Variants in GABRB3 observed in about 807,000 individuals in gnomAD.
GABRB3 encodes the protein gamma-aminobutyric acid receptor subunit beta-3.
In GABRB3, 14 loss-of-function variants were observed where a neutral mutation model predicts 52.1. That is an observed-to-expected ratio of 0.27 (90% CI 0.18 to 0.42). The LOEUF (loss-of-function observed/expected upper bound fraction) is 0.42. Ranked by LOEUF, GABRB3 falls within the 10% of genes least tolerant of loss-of-function variation. GABRB3 has a pLI of 1.00. For missense variants in GABRB3, 307 were observed against 609.1 expected, an observed-to-expected ratio of 0.50 and a Z score of 5.22; for synonymous variants, 260 against 232.3, an observed-to-expected ratio of 1.12 and a Z score of -1.08.
chr15:26,685,202 T>C (rs565820436), intron 3 of GABRB3, among the ~76,000 whole-genome samples: 1 of 152,262 alleles, frequency 6.6e-6, no homozygotes, highest in Admixed American at 6.5e-5. Flanking sequence ...GCCCTACTTC[T>C]CCGCCAGCAT....
chr15:26,659,058 C>A (rs2116451), intron 3 of GABRB3, among the ~76,000 whole-genome samples: 143,675 of 152,282 alleles, frequency 0.94, 67,990 homozygotes, highest in East Asian at 1. Flanking sequence ...TTTGCTCTTG[C>A]GACCAAGGGG....
chr15:26,641,017 T>A (rs1281516564), intron 3 of GABRB3, among the ~76,000 whole-genome samples: 1 of 152,230 alleles, frequency 6.6e-6, no homozygotes, highest in East Asian at 1.9e-4. Context: ...CAGGATGTGA[T>A]GTCACAAAAG....
chr15:26,578,922 CT>C (rs1890689190), intron 6 of GABRB3, among the ~76,000 whole-genome samples: 1 of 152,244 alleles, frequency 6.6e-6, no homozygotes, highest in Non-Finnish European at 1.5e-5. Flanking sequence ...GCTCTCATTT[CT>C]CCCTGAGGTA....
intron 5 of GABRB3, among the ~76,000 whole-genome samples, chr15:26,581,581 T>G (rs3909670): frequency 0.89 from 135,137 of 152,216 alleles, 61,619 homozygotes; most frequent in Non-Finnish European, 0.98. Flanking sequence ...TGGGCCTTCA[T>G]CCCTCCTTTC....
intron 3 of GABRB3, among the ~76,000 whole-genome samples, chr15:26,734,433 GA>G (rs914389137): frequency 2.6e-5 from 4 of 151,864 alleles, no homozygotes; most frequent in East Asian, 1.9e-4. Context: ...GGCAACAAAA[GA>G]AAAAAACAGA....
At chr15:26,625,526 C>A in intron 3 of GABRB3, 1 of 982,408 alleles carries the variant, frequency 1.0e-6, no homozygotes, top group Non-Finnish European at 1.2e-6. Context: ...TTTTGAATTC[C>A]AAGCCTGTCT....
chr15:26,698,659 G>GC (rs1219405735), intron 3 of GABRB3, among the ~76,000 whole-genome samples: 1 of 152,046 alleles, frequency 6.6e-6, no homozygotes, highest in Non-Finnish European at 1.5e-5. Context: ...GTTAAGAGAG[G>GC]GTCTGATGGG....
At chr15:26,764,467 T>C (rs1167966289) in intron 3 of GABRB3, among the ~76,000 whole-genome samples, 1 of 152,006 alleles carries the variant, frequency 6.6e-6, no homozygotes, top group Non-Finnish European at 1.5e-5. Flanking sequence ...AGTAAATGCT[T>C]CTGTGAGATG....
At chr15:26,615,934 C>T (rs1417145798) in intron 4 of GABRB3, 11 of 1,287,796 alleles carry the variant, frequency 8.5e-6, no homozygotes, top group Non-Finnish European at 1.1e-5. Flanking sequence ...CAGGACCTTC[C>T]TCAGCAGTAC....
At position 26,615,597 on chromosome 15, in the gene GABRB3, G is replaced by A. The variant is rs372005269; in HGVS notation, c.461+5717C>T. On this transcript the variant is annotated intron_variant, in intron 4 of 8. Coordinates refer to ENST00000311550, the MANE Select transcript of GABRB3 (RefSeq NM_000814.6). The stretch of plus-strand genomic sequence containing the variant: ...CTTTTGCACAGTCATCAGAGTTAAG[G>A]ATTAATGATTTCCCAGAATAAGGCT... The A allele has an allele frequency of 7.7e-5, 43 of 559,356 alleles. No homozygotes were observed. In the African/African-American group the frequency reaches 8.5e-4, roughly 11 times the overall value. 34.6% of individuals were successfully genotyped at this position (559,356 alleles called of 1,614,324 possible). A position where few individuals can be genotyped will look rare whatever the true frequency, so the allele number is the denominator to read the frequency against.
intron 3 of GABRB3, among the ~76,000 whole-genome samples, chr15:26,667,777 C>T (rs1338481945): frequency 6.6e-6 from 1 of 152,126 alleles, no homozygotes; most frequent in African/African-American, 2.4e-5. Flanking sequence ...TATTCAGAAA[C>T]TCTGGGGCTG....
chr15:26,581,075 T>G (rs1890770764), intron 5 of GABRB3: 1 of 189,662 alleles, frequency 5.3e-6, no homozygotes, highest in African/African-American at 2.4e-5. Flanking sequence ...GAAAGAACAG[T>G]GGTCGTTAGC....
At chr15:26,607,633 A>G (rs78383537) in intron 4 of GABRB3, among the ~76,000 whole-genome samples, 2,568 of 152,246 alleles carry the variant, frequency 0.017, 82 homozygotes, top group African/African-American at 0.059. Context: ...ACGGGATATA[A>G]AAACAACTTA....
In GABRB3 at chr15:26,613,503, T is replaced by A. The variant is rs376264068; in HGVS notation, c.461+7811A>T. ...AGCTACATCACATCCTACACCAAGA[T>A]AAATTCCAAGGGATTGAACACCTAA... On this transcript the variant is annotated intron_variant, in intron 4 of 8. Transcript: ENST00000311550. 25 of 152,134 alleles carry A rather than the reference T, an allele frequency of 1.6e-4. No individual in the cohort carries two copies. The East Asian group carries it at 4.4e-3, about 27-fold the overall frequency. The allele number at this position is 152,134 out of a possible 1,614,324, so 9.4% of individuals were successfully genotyped here.
intron 6 of GABRB3, among the ~76,000 whole-genome samples, chr15:26,573,766 T>C (rs1254537550): frequency 6.6e-6 from 1 of 152,164 alleles, no homozygotes; most frequent in East Asian, 1.9e-4. Flanking sequence ...ACATAAAGAA[T>C]GCGGCTGGTT....
Position 26,670,149 on chromosome 15 carries a change from C to G in GABRB3, c.241-48615G>C, listed in dbSNP as rs145047234. The stretch of plus-strand genomic sequence containing the variant: ...CGGTGCGGGAGCCTACAGGGCTGAG[C>G]GCGGAGACCGCTACGCCCCAACGCG... On this transcript the variant is annotated intron_variant, in intron 3 of 8. Transcript: ENST00000311550. Among the ~76,000 whole-genome samples, 1,143 of 152,282 alleles carry G rather than the reference C, an allele frequency of 7.5e-3. 32 individuals carry two copies. Among genetic ancestry groups the G allele is most frequent in the Admixed American group, 0.049 (754 of 15,308 alleles).
intron 3 of GABRB3, among the ~76,000 whole-genome samples, chr15:26,751,511 A>G (rs556747608): frequency 6.6e-6 from 1 of 152,296 alleles, no homozygotes; most frequent in African/African-American, 2.4e-5. Context: ...AAGAATCTGA[A>G]AGTAACCACC....
Position 26,649,176 on chromosome 15 carries a change from C to T in GABRB3, c.241-27642G>A, listed in dbSNP as rs533480697. On this transcript the variant is annotated intron_variant, in intron 3 of 8. Transcript: ENST00000311550. Reference sequence around the variant, plus strand: ...CAAAATTAATATGCTGAAGCCTAATCACCTTGGTGATAGTCATGAAGTGGG... The same window carrying T: ...CAAAATTAATATGCTGAAGCCTAATTACCTTGGTGATAGTCATGAAGTGGG... Among the ~76,000 whole-genome samples the T allele has an allele frequency of 2.0e-5, 3 of 152,272 alleles. No individual in the cohort carries two copies. In the East Asian group the frequency reaches 5.8e-4, roughly 30 times the overall value.
Position 26,567,552 on chromosome 15 carries a change from T to A in GABRB3, c.835+29A>T, listed in dbSNP as rs763549806. On this transcript the variant is annotated intron_variant, in intron 7 of 8. Transcript: ENST00000311550. ...ACTGTAATGATACGGTTACTTTACATTTAAATATCACTTAAAAATAGCACA... is the reference window on the plus strand; with the variant it reads ...ACTGTAATGATACGGTTACTTTACAATTAAATATCACTTAAAAATAGCACA... 3.7e-6 allele frequency: 6 copies of A among 1,608,714 alleles called. No homozygotes were observed. The South Asian group carries it at 6.6e-5, about 18-fold the overall frequency.
Sources: allele counts gnomAD v4.1 joint callset (sites outside exome capture counted in the v4.1 genomes callset), GRCh38; gene constraint gnomAD v4.1.1; transcripts MANE v1.5; gene names NCBI Gene and HGNC (gene_info 2026-07-23, HGNC 2026-07-21).